Variants in DPF3 observed in about 807,000 individuals in gnomAD.
DPF3 encodes zinc finger protein DPF3.
Under a neutral mutation model 56.8 loss-of-function variants are expected in DPF3, and 18 were observed. That is an observed-to-expected ratio of 0.32 (90% CI 0.22 to 0.47). DPF3 has a LOEUF of 0.47. DPF3 is among the 20% of genes least tolerant of loss of function. The probability of loss-of-function intolerance (pLI) is 1.00; values close to 1 mark genes in which losing one functional copy is unlikely to be tolerated. For missense variants in DPF3, 403 were observed against 488.8 expected (o/e 0.82, Z 1.65); for synonymous variants, 188 against 180.2 (o/e 1.04, Z -0.35).
chr14:72,886,102 T>C (rs1195041649), intron 1 of DPF3, among the ~76,000 whole-genome samples: 1 of 152,156 alleles, frequency 6.6e-6, no homozygotes, highest in African/African-American at 2.4e-5. Context: ...CTGGGCACGG[T>C]GGCTCATGCC....
chr14:72,879,149 C>T (rs542668155), intron 1 of DPF3, among the ~76,000 whole-genome samples: 24 of 152,218 alleles, frequency 1.6e-4, no homozygotes, highest in African/African-American at 5.3e-4. Context: ...TTTGGGAGGC[C>T]GAGGCGGGTG....
chr14:72,827,427 C>A (rs1883856109), intron 1 of DPF3, among the ~76,000 whole-genome samples: 1 of 151,256 alleles, frequency 6.6e-6, no homozygotes, highest in Admixed American at 6.6e-5. Context: ...AATATTCTGG[C>A]CACCTGGGTT....
At chr14:72,651,564 C>T (rs1885909760) in intron 8 of DPF3, among the ~76,000 whole-genome samples, 1 of 152,200 alleles carries the variant, frequency 6.6e-6, no homozygotes, top group Non-Finnish European at 1.5e-5. Context: ...TTGAATGTCA[C>T]ATTTTCACCA....
intron 7 of DPF3, among the ~76,000 whole-genome samples, chr14:72,679,839 G>A (rs1472590619): frequency 6.6e-6 from 1 of 152,262 alleles, no homozygotes; most frequent in Non-Finnish European, 1.5e-5. Context: ...AGGCAGCCCA[G>A]GCCGGCCAGG....
At chr14:72,837,149 G>A (rs1884331058) in intron 1 of DPF3, among the ~76,000 whole-genome samples, 1 of 152,016 alleles carries the variant, frequency 6.6e-6, no homozygotes, top group Non-Finnish European at 1.5e-5. Flanking sequence ...GGGATTACAG[G>A]CATGAACCAC....
chr14:72,727,965 A>G (rs576449967), intron 4 of DPF3, among the ~76,000 whole-genome samples: 1 of 152,306 alleles, frequency 6.6e-6, no homozygotes, highest in Non-Finnish European at 1.5e-5. Context: ...CACTCAGCAG[A>G]CCTTCAGTTT....
At chr14:72,841,233 C>G (rs952987201) in intron 1 of DPF3, among the ~76,000 whole-genome samples, 1 of 152,100 alleles carries the variant, frequency 6.6e-6, no homozygotes, top group African/African-American at 2.4e-5. Context: ...GACTCAAGGT[C>G]CCTATTTATA....
intron 2 of DPF3, among the ~76,000 whole-genome samples, chr14:72,765,858 G>C (rs1170656676): frequency 6.6e-6 from 1 of 152,126 alleles, no homozygotes; most frequent in Non-Finnish European, 1.5e-5. Flanking sequence ...AGCTTGCAGT[G>C]AGCAGAGATT....
chr14:72,619,181 A>G lies in DPF3; in HGVS notation c.*116T>C. 9.6e-7 allele frequency: 1 copy of G among 1,046,290 alleles called. No individual in the cohort carries two copies. The highest frequency in any genetic ancestry group is 1.6e-5 in the African/African-American group (1 of 62,332). The allele number at this position is 1,046,290 out of a possible 1,614,324, so 64.8% of individuals were successfully genotyped here. On this transcript the variant is annotated 3_prime_UTR_variant, in exon 11 of 11. Coordinates refer to ENST00000556509, the MANE Select transcript of DPF3 (RefSeq NM_001280542.3). ...CATGTGTCCCTGCCCCTCTGGGACT[A>G]TTTCTTTTCCTTGCAGTTGGTCTGG...
intron 7 of DPF3, among the ~76,000 whole-genome samples, chr14:72,680,826 C>T (rs915051952): frequency 3.3e-5 from 5 of 152,224 alleles, no homozygotes; most frequent in African/African-American, 9.6e-5. Flanking sequence ...CCCCTAGGCC[C>T]GGGGTTTTGA....
chr14:72,891,313 C>CT (rs61587216), intron 1 of DPF3, among the ~76,000 whole-genome samples: 68,696 of 143,982 alleles, frequency 0.48, 18,871 homozygotes, highest in Non-Finnish European at 0.63. Flanking sequence ...GTGGTGTTGG[C>CT]TTTTTTTTTT....
chr14:72,742,945 C>T (rs1890187965), intron 3 of DPF3, among the ~76,000 whole-genome samples: 1 of 152,138 alleles, frequency 6.6e-6, no homozygotes, highest in Admixed American at 6.5e-5. Flanking sequence ...TACCCCTCTG[C>T]AGGTCCCTAC....
intron 1 of DPF3, among the ~76,000 whole-genome samples, chr14:72,843,584 C>T (rs1884635991): frequency 6.6e-6 from 1 of 152,184 alleles, no homozygotes. Flanking sequence ...CTCTGGTTGC[C>T]CAGGCTGGAG....
intron 8 of DPF3, chr14:72,670,945 C>T (rs1886643645): frequency 7.5e-7 from 1 of 1,332,302 alleles, no homozygotes; most frequent in Non-Finnish European, 9.6e-7. Flanking sequence ...GTTTGTGCTT[C>T]TGTTGTACAT....
At chr14:72,641,433 C>G (rs1016659723) in intron 8 of DPF3, among the ~76,000 whole-genome samples, 3 of 152,188 alleles carry the variant, frequency 2.0e-5, no homozygotes, top group Admixed American at 2.0e-4. Flanking sequence ...TTCTGTCCTT[C>G]CCCCGGCGAT....
intron 1 of DPF3, chr14:72,892,163 A>G (rs1886777907): frequency 6.5e-7 from 1 of 1,535,174 alleles, no homozygotes; most frequent in Admixed American, 2.0e-5. Context: ...CACATGTGAA[A>G]TAGGTTCTCT....
intron 1 of DPF3, among the ~76,000 whole-genome samples, chr14:72,880,375 C>T (rs963979160): frequency 6.6e-6 from 1 of 152,172 alleles, no homozygotes; most frequent in African/African-American, 2.4e-5. Flanking sequence ...TTGGCAGTTG[C>T]CTAGCAACGA....
intron 2 of DPF3, among the ~76,000 whole-genome samples, chr14:72,768,495 C>T (rs886631692): frequency 1.3e-5 from 2 of 152,070 alleles, no homozygotes; most frequent in South Asian, 2.1e-4. Context: ...CACATTTTAC[C>T]AATGTCAGTT....
At chr14:72,676,447 C>T (rs929469057) in intron 7 of DPF3, among the ~76,000 whole-genome samples, 2 of 152,172 alleles carry the variant, frequency 1.3e-5, no homozygotes, top group East Asian at 1.9e-4. Flanking sequence ...TCCCTCATGA[C>T]GTATGAGGAT....
Sources: gnomAD v4.1 joint callset for allele counts (sites outside exome capture counted in the v4.1 genomes callset) on GRCh38, gnomAD v4.1.1 for gene constraint, MANE v1.5 for transcripts, NCBI Gene and HGNC (gene_info 2026-07-23, HGNC 2026-07-21) for gene names.